SLC38A12: variants seen among roughly 807,000 people sequenced by gnomAD.
SLC38A12 encodes putative sodium-coupled neutral amino acid transporter 12.
the SLC38A12 span, among the ~76,000 whole-genome samples, chr17:74,802,060 C>G: frequency 6.6e-6 from 1 of 152,278 alleles, no homozygotes; most frequent in East Asian, 1.9e-4. Flanking sequence ...GTTGCTCCAG[C>G]CTGTCCCTTC....
chr17:74,787,143 TG>T, the SLC38A12 span, among the ~76,000 whole-genome samples: 1 of 152,178 alleles, frequency 6.6e-6, no homozygotes, highest in Non-Finnish European at 1.5e-5. Flanking sequence ...GCGATTGGAA[TG>T]GGGGTTTCAG....
the SLC38A12 span, among the ~76,000 whole-genome samples, chr17:74,794,551 A>G: frequency 3.3e-5 from 5 of 152,012 alleles, no homozygotes; most frequent in Non-Finnish European, 7.4e-5. Flanking sequence ...GAGCTGGGCT[A>G]TTTTCCATCA....
chr17:74,826,431 G>A, the SLC38A12 span, among the ~76,000 whole-genome samples: 1 of 152,246 alleles, frequency 6.6e-6, no homozygotes, highest in Non-Finnish European at 1.5e-5. Flanking sequence ...CTCCCGGGGT[G>A]AGGAGTGAAC....
chr17:74,827,642 A>C, the SLC38A12 span, among the ~76,000 whole-genome samples: 1 of 152,136 alleles, frequency 6.6e-6, no homozygotes, highest in African/African-American at 2.4e-5. The surrounding 1 kb of genome is among the most constrained non-coding windows in gnomAD (Gnocchi z 4.7). Context: ...CCAAGATTAC[A>C]CAGTTAAGTG....
At chr17:74,789,706 G>A in the SLC38A12 span, among the ~76,000 whole-genome samples, 3 of 151,750 alleles carry the variant, frequency 2.0e-5, no homozygotes, top group Admixed American at 1.3e-4. Flanking sequence ...TTAGCCGGCC[G>A]TGGTGGCAAG....
the SLC38A12 span, chr17:74,790,431 G>GA: frequency 3.8e-6 from 3 of 786,216 alleles, no homozygotes; most frequent in Non-Finnish European, 6.5e-6. Flanking sequence ...CAGGCCCTGT[G>GA]GTAGACTCAA....
At chr17:74,832,011 A>G in the SLC38A12 span, among the ~76,000 whole-genome samples, 6 of 152,296 alleles carry the variant, frequency 3.9e-5, no homozygotes, top group East Asian at 1.9e-4. Context: ...GTGGCGATCA[A>G]TCTAGGAGAT....
chr17:74,801,614 G>A, the SLC38A12 span, among the ~76,000 whole-genome samples: 1 of 152,090 alleles, frequency 6.6e-6, no homozygotes, highest in South Asian at 2.1e-4. Context: ...TTTCTTCCCC[G>A]CACCCCAAAA....
chr17:74,828,052 A>G, the SLC38A12 span, among the ~76,000 whole-genome samples: 4 of 152,194 alleles, frequency 2.6e-5, no homozygotes, highest in Non-Finnish European at 1.5e-5. Context: ...TGATGGGCAC[A>G]CTGCCGGCCA....
the SLC38A12 span, chr17:74,795,084 T>C: frequency 1.9e-6 from 3 of 1,614,222 alleles, no homozygotes; most frequent in Non-Finnish European, 2.5e-6. Flanking sequence ...GCTGCTGCCG[T>C]GCCCTTCTCC....
chr17:74,793,880 G>A, the SLC38A12 span, among the ~76,000 whole-genome samples: 1 of 152,166 alleles, frequency 6.6e-6, no homozygotes. Flanking sequence ...TTCCCCCCCA[G>A]GCTCCTAGGA....
At chr17:74,789,133 AG>A in the SLC38A12 span, among the ~76,000 whole-genome samples, 1 of 152,184 alleles carries the variant, frequency 6.6e-6, no homozygotes, top group Non-Finnish European at 1.5e-5. Flanking sequence ...CTTTGTACCC[AG>A]GAACTGTGTT....
the SLC38A12 span, among the ~76,000 whole-genome samples, chr17:74,824,889 G>C: frequency 6.6e-6 from 1 of 152,164 alleles, no homozygotes; most frequent in Non-Finnish European, 1.5e-5. Context: ...GGACATGGTG[G>C]TGGTGGCAGG....
chr17:74,838,896 C>T, the SLC38A12 span: 66 of 1,535,602 alleles, frequency 4.3e-5, no homozygotes, highest in Admixed American at 2.2e-4. Flanking sequence ...GATGGGCCCC[C>T]GGGGTCAGTG....
chr17:74,783,721 CTTTTTTTTTTTT>C, the SLC38A12 span, among the ~76,000 whole-genome samples: 1 of 104,010 alleles, frequency 9.6e-6, no homozygotes, highest in African/African-American at 3.7e-5. Flanking sequence ...CATGCTTTTT[CTTTTTTTTTTTT>C]TTTTTTTTTT....
chr17:74,802,508 G>A, the SLC38A12 span, among the ~76,000 whole-genome samples: 314 of 152,246 alleles, frequency 2.1e-3, 5 homozygotes, highest in African/African-American at 6.3e-3. Flanking sequence ...GCTGGTGACC[G>A]ACATAGCCCC....
At chr17:74,835,168 C>T in the SLC38A12 span, among the ~76,000 whole-genome samples, 78 of 152,334 alleles carry the variant, frequency 5.1e-4, no homozygotes, top group African/African-American at 1.8e-3. Flanking sequence ...CACAGAGGGT[C>T]CCCTGTCCCC....
chr17:74,776,638 G>GGGCGA, the SLC38A12 span: 2 of 152,304 alleles, frequency 1.3e-5, no homozygotes, highest in Admixed American at 1.3e-4. Context: ...GGATAGGTTG[G>GGGCGA]GGCGGGGCGG....
chr17:74,807,233 C>A, the SLC38A12 span, among the ~76,000 whole-genome samples: 2 of 152,088 alleles, frequency 1.3e-5, no homozygotes, highest in Admixed American at 1.3e-4. Flanking sequence ...AGCTCAGGAC[C>A]CCTCTTCCCT....
Sources: gnomAD v4.1 joint callset for allele counts (sites outside exome capture counted in the v4.1 genomes callset) on GRCh38, gnomAD v4.1.1 for gene constraint, Gnocchi (gnomAD v3.1) non-coding constraint, MANE v1.5 for transcripts, NCBI Gene and HGNC (gene_info 2026-07-23, HGNC 2026-07-21) for gene names.